The following CTH variants were observed in gnomAD, a reference collection of about 807,000 sequenced individuals.
CTH encodes cystathionase (cystathionine gamma-lyase).
CTH carries 41 observed loss-of-function variants against 50.6 expected under a neutral mutation model. The observed-to-expected ratio is 0.81, with a 90% CI of 0.63 to 1.05. CTH has a LOEUF of 1.05. CTH is among the 50% of genes least tolerant of loss of function. The probability of loss-of-function intolerance (pLI) is 0.00; values close to 1 mark genes in which losing one functional copy is unlikely to be tolerated. For synonymous variants in CTH, 156 were observed against 168.9 expected (o/e 0.92, Z 0.59); for missense variants, 470 against 492.6 (o/e 0.95, Z 0.43).
chr1:70,433,726 G>A, intron 8 of CTH, 102 bp from the exon 9 acceptor site: 1 of 1,548,898 alleles, frequency 6.5e-7, no homozygotes, highest in South Asian at 1.2e-5. Context: ...CCTCGTCTTA[G>A]GCTTATTTGC....
chr1:70,429,566 C>T (rs778793903), intron 5 of CTH, among the ~76,000 whole-genome samples: 17 of 152,186 alleles, frequency 1.1e-4, no homozygotes, highest in Non-Finnish European at 2.1e-4. Context: ...TTCCAAGAAA[C>T]TTTTGCCTTC....
rs1046499776 is a variant in CTH, at chr1:70,430,850, T to A, written c.724+456T>A. 3.4e-5 allele frequency: 5 copies of A among 148,884 alleles called. No individual in the cohort carries two copies. The East Asian group carries it at 6.5e-4, about 19-fold the overall frequency. The allele number at this position is 148,884 out of a possible 1,614,324, so 9.2% of individuals were successfully genotyped here. A position where few individuals can be genotyped will look rare whatever the true frequency, so the allele number is the denominator to read the frequency against. On this transcript the variant is annotated intron_variant, in intron 7 of 11. Coordinates refer to ENST00000370938, the MANE Select transcript of CTH (RefSeq NM_001902.6). ...GAGCCACCGTGCCTGGCCAAAAAAA[T>A]TTTTTCTGATTTTAGAGGAAAGTGT...
At position 70,421,959 on chromosome 1, in the gene CTH, G is replaced by A. The variant is rs531118577; in HGVS notation, c.456+284G>A. ...TCTCAGTTTCTTCATTTGCAAAATG[G>A]AGATAATTATACCGGTTTTATAGAA... On this transcript the variant is annotated intron_variant, in intron 4 of 11. Transcript: ENST00000370938. Among the ~76,000 whole-genome samples, 130 of 152,230 alleles carry A rather than the reference G, an allele frequency of 8.5e-4. 3 individuals are homozygous for A. In the South Asian group the frequency reaches 0.016, roughly 19 times the overall value.
At chr1:70,419,893 G>A (rs1572256230) in intron 3 of CTH, among the ~76,000 whole-genome samples, 1 of 151,794 alleles carries the variant, frequency 6.6e-6, no homozygotes, top group Non-Finnish European at 1.5e-5. Flanking sequence ...GTGATTTCTA[G>A]AATATTATCA....
chr1:70,431,926 C>G (rs571434779), intron 7 of CTH, among the ~76,000 whole-genome samples, 157 bp from the exon 8 acceptor site: 4 of 152,232 alleles, frequency 2.6e-5, no homozygotes, highest in African/African-American at 9.6e-5. Flanking sequence ...ATGCTTTGTT[C>G]TTCTGCTTCT....
Position 70,429,796 on chromosome 1 carries a change from C to A in CTH, c.591C>A (p.Arg197=). 1 of 1,611,638 alleles carries A rather than the reference C, an allele frequency of 6.2e-7. No homozygotes were observed. The highest frequency in any genetic ancestry group is 8.5e-7 in the Non-Finnish European group (1 of 1,178,092). Residue 197 remains arginine (R), a splice_region_variant and synonymous_variant, in exon 6 of 12, where the codon CGC becomes CGA. Transcript: ENST00000370938. ...AAGTAAAAAACTTGTTCTTTCAGCG[C>A]CCTTTGGCTCTGGGAGCTGATATTT... ...DNTFMSPYFQ[R]PLALGADISM...
intron 10 of CTH, among the ~76,000 whole-genome samples, chr1:70,436,733 G>T (rs1572273883): frequency 6.6e-6 from 1 of 152,002 alleles, no homozygotes; most frequent in African/African-American, 2.4e-5. Flanking sequence ...ATTTTTGTTA[G>T]TCTTTCCGGA....
intron 7 of CTH, among the ~76,000 whole-genome samples, chr1:70,431,487 C>T (rs2101752529): frequency 6.6e-6 from 1 of 152,108 alleles, no homozygotes; most frequent in African/African-American, 2.4e-5. Flanking sequence ...AGTTTATCTC[C>T]AGTATAGTTA....
chr1:70,418,918 T>C (rs1684153244), intron 3 of CTH, among the ~76,000 whole-genome samples: 2 of 151,812 alleles, frequency 1.3e-5, no homozygotes, highest in Admixed American at 6.6e-5. Flanking sequence ...ATTTAAGAAC[T>C]TCCCATTAAC....
rs1684667808 is a variant in CTH at position 70,439,232 on chromosome 1, T to G, written c.*105T>G. On this transcript the variant is annotated 3_prime_UTR_variant, in exon 12 of 12. Coordinates refer to ENST00000370938, the MANE Select transcript of CTH (RefSeq NM_001902.6). ...TTTGCAAAATTTTCAAGCGGAAATT[T>G]TAAGGCACCTCATTATCTTTCATAA... is the stretch of plus-strand genomic sequence containing the variant. The G allele has an allele frequency of 9.9e-7, 1 of 1,005,088 alleles. No individual in the cohort carries two copies. The highest frequency in any genetic ancestry group is 1.6e-5 in the African/African-American group (1 of 63,282). 62.3% of individuals were successfully genotyped at this position (1,005,088 alleles called of 1,614,324 possible).
chr1:70,414,327 C>G (rs1327995902), intron 1 of CTH, among the ~76,000 whole-genome samples: 4 of 151,866 alleles, frequency 2.6e-5, no homozygotes, highest in Non-Finnish European at 4.4e-5. Context: ...ACCTCCCCAA[C>G]GTAGTGAAAC....
chr1:70,431,958 C>G, intron 7 of CTH, 125 bp from the exon 8 acceptor site: 1 of 936,356 alleles, frequency 1.1e-6, no homozygotes. Flanking sequence ...TTATTTTCCT[C>G]CTAGAACTCA....
intron 1 of CTH, among the ~76,000 whole-genome samples, chr1:70,411,928 G>T (rs1041500504): frequency 6.6e-6 from 1 of 152,206 alleles, no homozygotes; most frequent in African/African-American, 2.4e-5. Flanking sequence ...TACGGAGTCA[G>T]CTTAAAAAAT....
intron 3 of CTH, among the ~76,000 whole-genome samples, chr1:70,419,284 A>C (rs1052719593): frequency 2.6e-5 from 4 of 152,030 alleles, no homozygotes; most frequent in African/African-American, 9.7e-5. Context: ...CAATAAACAT[A>C]CATGTGCATG....
chr1:70,422,034 A>G (rs888483455), intron 4 of CTH, among the ~76,000 whole-genome samples: 2 of 152,248 alleles, frequency 1.3e-5, no homozygotes, highest in African/African-American at 4.8e-5. Flanking sequence ...TGCTTAGTAT[A>G]GTTCCTGGAT....
Position 70,439,142 on chromosome 1 carries a change from T to A in CTH, c.*15T>A. On this transcript the variant is annotated 3_prime_UTR_variant, in exon 12 of 12. Transcript: ENST00000370938. ...GTCACAGCTAGTATTCCAGAGCTGC[T>A]ATTAGAAGCTGCTTCCTGTGAAGAT... The A allele has an allele frequency of 6.2e-7, 1 of 1,608,952 alleles. No individual in the cohort carries two copies. Among genetic ancestry groups the A allele is most frequent in the Non-Finnish European group, 8.5e-7 (1 of 1,175,270 alleles).
In CTH at chr1:70,437,643, G is replaced by A. The variant is rs538021204; in HGVS notation, c.1053-1045G>A. Among the ~76,000 whole-genome samples the A allele has an allele frequency of 3.9e-5, 6 of 152,186 alleles. No individual in the cohort carries two copies. The South Asian group carries it at 6.2e-4, about 16-fold the overall frequency. On this transcript the variant is annotated intron_variant, in intron 10 of 11. Coordinates refer to ENST00000370938, the MANE Select transcript of CTH (RefSeq NM_001902.6). Reference sequence around the variant, plus strand: ...TGTACACACTCTTTTAAGGAATTACGAGTCTCCCAGGGCAGAACATTTTAA... The same window carrying A: ...TGTACACACTCTTTTAAGGAATTACAAGTCTCCCAGGGCAGAACATTTTAA...
At chr1:70,422,603 C>T (rs1210159494) in intron 4 of CTH, among the ~76,000 whole-genome samples, 1 of 147,524 alleles carries the variant, frequency 6.8e-6, no homozygotes, top group African/African-American at 2.5e-5. Flanking sequence ...AATAGCTGGT[C>T]TGAGTCTTTT....
chr1:70,424,184 T>G (rs1008820048), intron 4 of CTH, 101 bp from the exon 5 acceptor site: 1 of 1,595,312 alleles, frequency 6.3e-7, no homozygotes, highest in East Asian at 2.3e-5. Context: ...ATCCATGTGT[T>G]TCCATTATAC....
Sources: allele counts gnomAD v4.1 joint callset (sites outside exome capture counted in the v4.1 genomes callset), GRCh38; gene constraint gnomAD v4.1.1; transcripts MANE v1.5; gene names NCBI Gene and HGNC (gene_info 2026-07-23, HGNC 2026-07-21).